The following RAPGEF4 variants were observed in gnomAD, a reference collection of about 807,000 sequenced individuals.
RAPGEF4 encodes Rap guanine nucleotide exchange factor 4, also known as RAP guanine-nucleotide-exchange factor (GEF) 4.
RAPGEF4 carries 66 observed loss-of-function variants against 147.9 expected under a neutral mutation model. That is an observed-to-expected ratio of 0.45 (90% CI 0.37 to 0.55). The LOEUF (loss-of-function observed/expected upper bound fraction) is 0.55. RAPGEF4 is among the 20% of genes least tolerant of loss of function. RAPGEF4 has a pLI of 0.00. For synonymous variants in RAPGEF4, 419 were observed against 442.7 expected (o/e 0.95, Z 0.67); for missense variants, 1,071 against 1,257.3 (o/e 0.85, Z 2.24).
At chr2:172,982,566 A>G (rs1691798475) in intron 10 of RAPGEF4, among the ~76,000 whole-genome samples, 1 of 152,180 alleles carries the variant, frequency 6.6e-6, no homozygotes, top group Non-Finnish European at 1.5e-5. Context: ...ATTAATATAA[A>G]CACTATGAAT....
upstream of RAPGEF4, chr2:172,735,767 T>G (rs1693683893): frequency 5.1e-6 from 1 of 197,718 alleles, no homozygotes; most frequent in African/African-American, 2.4e-5. Context: ...GACTCGGCCC[T>G]CCCCGCACCC....
At chr2:172,853,820 TC>T (rs1317773545) in intron 4 of RAPGEF4, among the ~76,000 whole-genome samples, 1 of 152,028 alleles carries the variant, frequency 6.6e-6, no homozygotes, top group African/African-American at 2.4e-5. Flanking sequence ...GTTGTCAGTT[TC>T]CAAATATTTT....
intron 17 of RAPGEF4, among the ~76,000 whole-genome samples, chr2:173,007,001 A>C (rs1462568805): frequency 6.6e-6 from 1 of 152,222 alleles, no homozygotes; most frequent in African/African-American, 2.4e-5. Context: ...TTTGGGAAAA[A>C]AATGACTGTC....
chr2:172,761,679 T>C (rs1191622467), intron 1 of RAPGEF4, among the ~76,000 whole-genome samples: 1 of 152,044 alleles, frequency 6.6e-6, no homozygotes, highest in Non-Finnish European at 1.5e-5. Flanking sequence ...AGAAGGAACA[T>C]GGAAAGAGTA....
At chr2:172,758,046 A>G (rs552947143) in intron 1 of RAPGEF4, among the ~76,000 whole-genome samples, 1 of 152,354 alleles carries the variant, frequency 6.6e-6, no homozygotes, top group South Asian at 2.1e-4. Context: ...AATAGAGCCC[A>G]GTAAAAAATC....
At chr2:172,766,102 A>G (rs1427808800) in intron 1 of RAPGEF4, among the ~76,000 whole-genome samples, 1 of 152,164 alleles carries the variant, frequency 6.6e-6, no homozygotes, top group East Asian at 1.9e-4. Context: ...ATTAAACAAG[A>G]TATCTTGCAG....
rs1211301721 is a variant in RAPGEF4 at position 173,042,643 on chromosome 2, A to G, written c.2853+5951A>G. Among the ~76,000 whole-genome samples the G allele has an allele frequency of 6.6e-6, 1 of 152,122 alleles. No individual in the cohort carries two copies. Among genetic ancestry groups the G allele is most frequent in the Non-Finnish European group, 1.5e-5 (1 of 68,020 alleles). ...AAATCAAAAAAAAAAAGGGAAAGAA[A>G]ATTGGATTAACCAAAATGTCCCAAA... On this transcript the variant is annotated intron_variant, in intron 29 of 30. Transcript: ENST00000397081. This position sits in a 1 kb window ranked among gnomAD's most constrained non-coding sequence, Gnocchi z 4.2.
intron 5 of RAPGEF4, among the ~76,000 whole-genome samples, chr2:172,918,371 C>CCA (rs377074360): frequency 0.32 from 43,365 of 137,412 alleles, 6,889 homozygotes; most frequent in Middle Eastern, 0.4. Flanking sequence ...GATGCTCTTA[C>CCA]CACACACACA....
intron 6 of RAPGEF4, among the ~76,000 whole-genome samples, chr2:172,930,141 G>A (rs1575278765): frequency 6.6e-6 from 1 of 152,204 alleles, no homozygotes; most frequent in Admixed American, 6.5e-5. Flanking sequence ...CTACCCAGGG[G>A]GAAGGAAAAC....
chr2:172,818,623 A>G (rs1688745543), intron 4 of RAPGEF4, among the ~76,000 whole-genome samples: 2 of 152,154 alleles, frequency 1.3e-5, no homozygotes, highest in Admixed American at 6.5e-5. Flanking sequence ...AGGTACTCTT[A>G]CTGTCACTTA....
chr2:172,924,235 G>T (rs1319344306), intron 6 of RAPGEF4, among the ~76,000 whole-genome samples: 1 of 152,212 alleles, frequency 6.6e-6, no homozygotes, highest in Non-Finnish European at 1.5e-5. Context: ...AAAAGGAAGT[G>T]GTCGCTCTTG....
At chr2:172,801,871 G>T (rs1274825256) in intron 3 of RAPGEF4, among the ~76,000 whole-genome samples, 1 of 152,150 alleles carries the variant, frequency 6.6e-6, no homozygotes, top group Admixed American at 6.5e-5. Flanking sequence ...GAGCCCCACA[G>T]CCCTCCCCTC....
At chr2:172,964,269 C>A (rs1689602461) in intron 8 of RAPGEF4, among the ~76,000 whole-genome samples, 1 of 152,094 alleles carries the variant, frequency 6.6e-6, no homozygotes, top group Non-Finnish European at 1.5e-5. Flanking sequence ...TACACCCTCC[C>A]TGTGAAATAT....
intron 29 of RAPGEF4, among the ~76,000 whole-genome samples, chr2:173,041,176 A>C (rs1306452592): frequency 6.6e-6 from 1 of 152,202 alleles, no homozygotes; most frequent in Non-Finnish European, 1.5e-5. Context: ...GTCATTACAT[A>C]ATTAGCAACA....
intron 22 of RAPGEF4, 56 bp from the exon 23 acceptor site, chr2:173,020,562 G>A: frequency 2.2e-6 from 3 of 1,384,618 alleles, no homozygotes; most frequent in Admixed American, 1.7e-5. Flanking sequence ...GATTAGGGCA[G>A]TGCAGCAAAT....
intron 6 of RAPGEF4, among the ~76,000 whole-genome samples, chr2:172,942,575 A>G (rs1163367306): frequency 1.3e-5 from 2 of 151,678 alleles, no homozygotes; most frequent in Admixed American, 1.3e-4. Flanking sequence ...TGGTAAAAAA[A>G]AAAAAAAAAA....
intron 10 of RAPGEF4, among the ~76,000 whole-genome samples, chr2:172,981,978 A>C (rs1332449453): frequency 6.6e-6 from 1 of 152,136 alleles, no homozygotes; most frequent in Admixed American, 6.5e-5. Context: ...GGTTTTTTTC[A>C]CTTACACAAA....
chr2:172,906,435 C>A (rs1280008914), intron 4 of RAPGEF4, among the ~76,000 whole-genome samples: 1 of 152,210 alleles, frequency 6.6e-6, no homozygotes, highest in Non-Finnish European at 1.5e-5. Flanking sequence ...TGTCAATTAT[C>A]CCTGTGGCTT....
chr2:172,849,511 G>A (rs893824332), intron 4 of RAPGEF4, among the ~76,000 whole-genome samples: 1 of 152,194 alleles, frequency 6.6e-6, no homozygotes, highest in African/African-American at 2.4e-5. Context: ...AACAGAGCCA[G>A]TTTTTTATGT....
Sources: allele counts gnomAD v4.1 joint callset (sites outside exome capture counted in the v4.1 genomes callset), GRCh38; gene constraint gnomAD v4.1.1; non-coding constraint Gnocchi (gnomAD v3.1); transcripts MANE v1.5; gene names NCBI Gene and HGNC (gene_info 2026-07-23, HGNC 2026-07-21).